PDGFC: variants seen among roughly 807,000 people sequenced by gnomAD.
PDGFC encodes platelet derived growth factor C.
PDGFC carries 12 observed loss-of-function variants against 35.5 expected under a neutral mutation model. The ratio of observed to expected loss-of-function variants is 0.34; its 90% CI spans 0.22 to 0.55. PDGFC has a LOEUF of 0.55. Among genes scored for constraint, PDGFC ranks in the 20% least tolerant of loss-of-function variants. The pLI is 0.91. For missense variants in PDGFC, 322 were observed against 412.4 expected, an observed-to-expected ratio of 0.78 and a Z score of 1.90; for synonymous variants, 159 against 148.8, an observed-to-expected ratio of 1.07 and a Z score of -0.50.
At chr4:156,964,422 A>ATATATATAGTGATACTATATATACTG (rs1271133574) in intron 1 of PDGFC, among the ~76,000 whole-genome samples, 4 of 148,376 alleles carry the variant, frequency 2.7e-5, no homozygotes, top group African/African-American at 9.8e-5. Context: ...ATATAACAGT[A>ATATATATAGTGATACTATATATACTG]TATATATAGT....
intron 1 of PDGFC, among the ~76,000 whole-genome samples, chr4:156,952,403 A>T (rs1345644934): frequency 6.6e-6 from 1 of 151,906 alleles, no homozygotes; most frequent in Admixed American, 6.6e-5. Flanking sequence ...AGAAAATCAA[A>T]CAGAAATCAT....
chr4:156,902,584 A>G (rs529503378), intron 1 of PDGFC, among the ~76,000 whole-genome samples: 1 of 152,364 alleles, frequency 6.6e-6, no homozygotes, highest in African/African-American at 2.4e-5. Flanking sequence ...TAACTTTTTA[A>G]TAACTTTAAT....
In PDGFC at chr4:156,768,046, T is replaced by C. The variant is rs1003941407; in HGVS notation, c.704-56A>G. The C allele has an allele frequency of 3.3e-5, 33 of 990,804 alleles. No individual in the cohort carries two copies. The African/African-American group carries it at 5.3e-4, about 16-fold the overall frequency. The allele number at this position is 990,804 out of a possible 1,614,324, so 61.4% of individuals were successfully genotyped here. A position where few individuals can be genotyped will look rare whatever the true frequency, so the allele number is the denominator to read the frequency against. On this transcript the variant is annotated intron_variant, in intron 4 of 5. Coordinates refer to ENST00000502773, the MANE Select transcript of PDGFC (RefSeq NM_016205.3). ...TAGATGTTGATGCTTTGAGCCTGAA[T>C]GTATTTCATTAAGCTCTTTTCATAA...
intron 3 of PDGFC, among the ~76,000 whole-genome samples, chr4:156,785,400 G>A (rs928928396): frequency 1.3e-5 from 2 of 152,142 alleles, no homozygotes; most frequent in African/African-American, 4.8e-5. Context: ...ATTTTTTAAA[G>A]ATGGGGTTTC....
chr4:156,797,806 T>A (rs1256382217), intron 3 of PDGFC, among the ~76,000 whole-genome samples: 1 of 152,156 alleles, frequency 6.6e-6, no homozygotes, highest in Admixed American at 6.5e-5. Flanking sequence ...GAGACTGGGC[T>A]ACTCCTTACA....
At chr4:156,953,819 C>T (rs1043811530) in intron 1 of PDGFC, among the ~76,000 whole-genome samples, 3 of 151,824 alleles carry the variant, frequency 2.0e-5, no homozygotes, top group Non-Finnish European at 4.4e-5. Flanking sequence ...ATCAATACCC[C>T]CAACTCACCC....
chr4:156,907,596 C>T (rs1730945020), intron 1 of PDGFC, among the ~76,000 whole-genome samples: 1 of 152,110 alleles, frequency 6.6e-6, no homozygotes, highest in Non-Finnish European at 1.5e-5. Flanking sequence ...GGAGTTGGGA[C>T]CTTCAGACTT....
At chr4:156,784,482 A>C (rs1455474130) in intron 3 of PDGFC, among the ~76,000 whole-genome samples, 1 of 152,214 alleles carries the variant, frequency 6.6e-6, no homozygotes, top group Non-Finnish European at 1.5e-5. Flanking sequence ...TTAGGAATAG[A>C]GAAGTTTCAT....
intron 3 of PDGFC, among the ~76,000 whole-genome samples, chr4:156,779,687 G>A (rs1347957734): frequency 6.6e-6 from 1 of 152,104 alleles, no homozygotes; most frequent in Non-Finnish European, 1.5e-5. Flanking sequence ...TAAAAGTAAT[G>A]TTTATTTACT....
At chr4:156,860,808 A>G (rs1166633526) in intron 1 of PDGFC, among the ~76,000 whole-genome samples, 1 of 152,136 alleles carries the variant, frequency 6.6e-6, no homozygotes, top group Non-Finnish European at 1.5e-5. Flanking sequence ...AGCATTTTTT[A>G]TAGCAGTTAT....
At chr4:156,899,547 G>C (rs953335279) in intron 1 of PDGFC, among the ~76,000 whole-genome samples, 1 of 152,104 alleles carries the variant, frequency 6.6e-6, no homozygotes, top group African/African-American at 2.4e-5. Flanking sequence ...GGGTGTGGTG[G>C]CTCACACCTG....
At chr4:156,932,008 A>G (rs1264655025) in intron 1 of PDGFC, among the ~76,000 whole-genome samples, 1 of 152,204 alleles carries the variant, frequency 6.6e-6, no homozygotes, top group Non-Finnish European at 1.5e-5. Flanking sequence ...TGAGGTAAAA[A>G]TAGCTCAAAG....
At chr4:156,863,862 T>G (rs569514772) in intron 1 of PDGFC, among the ~76,000 whole-genome samples, 27 of 152,272 alleles carry the variant, frequency 1.8e-4, no homozygotes, top group South Asian at 6.2e-4. Flanking sequence ...AGTACACATT[T>G]CATATCCCTC....
chr4:156,845,779 T>C (rs1729312646), intron 2 of PDGFC, among the ~76,000 whole-genome samples: 1 of 151,886 alleles, frequency 6.6e-6, no homozygotes, highest in East Asian at 1.9e-4. Flanking sequence ...GTAAGTTAAA[T>C]AAAACATTTA....
rs527676134 is a variant in PDGFC, at chr4:156,839,237, T to C, written c.314+10984A>G. ...AGACTCTTTTACATTATGTCAGATA[T>C]GCAAGCCCTGCCTCAGCTTCTCTCC... is the stretch of plus-strand genomic sequence containing the variant. On this transcript the variant is annotated intron_variant, in intron 2 of 5. Coordinates refer to ENST00000502773, the MANE Select transcript of PDGFC (RefSeq NM_016205.3). Among the ~76,000 whole-genome samples the C allele has an allele frequency of 3.3e-5, 5 of 152,326 alleles. No individual in the cohort carries two copies. In the South Asian group the frequency reaches 6.2e-4, roughly 19 times the overall value.
chr4:156,959,434 A>C (rs972291746), intron 1 of PDGFC, among the ~76,000 whole-genome samples: 5 of 152,006 alleles, frequency 3.3e-5, no homozygotes, highest in African/African-American at 1.2e-4. Context: ...CTTTCCATAA[A>C]GAAGTTATTA....
chr4:156,967,666 T>C lies in PDGFC; in HGVS notation c.118+3120A>G, dbSNP rs546329633. The C allele has an allele frequency of 2.6e-5, 4 of 152,308 alleles. No individual in the cohort carries two copies. In the South Asian group the frequency reaches 8.3e-4, roughly 32 times the overall value. 9.4% of individuals were successfully genotyped at this position (152,308 alleles called of 1,614,324 possible). On this transcript the variant is annotated intron_variant, in intron 1 of 5. Transcript: ENST00000502773. ...AACAGACAAAGTAGGTTTTGTTTTG[T>C]TCCTGGGTGTATGATTCTTTCTGCT...
At chr4:156,890,102 G>T (rs1025179772) in intron 1 of PDGFC, among the ~76,000 whole-genome samples, 3 of 152,000 alleles carry the variant, frequency 2.0e-5, no homozygotes, top group African/African-American at 7.2e-5. Flanking sequence ...TACAGAAAGG[G>T]AGGGCACTGG....
At chr4:156,888,238 T>C (rs920631698) in intron 1 of PDGFC, among the ~76,000 whole-genome samples, 1 of 152,142 alleles carries the variant, frequency 6.6e-6, no homozygotes, top group African/African-American at 2.4e-5. Flanking sequence ...GTTTTCTTTA[T>C]GCACTTATCA....
Sources: allele counts gnomAD v4.1 joint callset (sites outside exome capture counted in the v4.1 genomes callset), GRCh38; gene constraint gnomAD v4.1.1; transcripts MANE v1.5; gene names NCBI Gene and HGNC (gene_info 2026-07-23, HGNC 2026-07-21).